The following NTRK2 variants were observed in gnomAD, a reference collection of about 807,000 sequenced individuals.
The protein encoded by NTRK2 is neurotrophic receptor tyrosine kinase 2, also known as BDNF/NT-3 growth factors receptor.
A neutral mutation model predicts 94.5 loss-of-function variants in NTRK2; 13 were observed. The ratio of observed to expected loss-of-function variants is 0.14; its 90% confidence interval spans 0.09 to 0.22. The LOEUF (loss-of-function observed/expected upper bound fraction) is 0.22, where lower values mean the gene tolerates loss of function less well. NTRK2 is among the 10% of genes least tolerant of loss of function. The pLI, the probability that NTRK2 is intolerant of heterozygous loss-of-function variation, is 1.00. For missense variants in NTRK2, 639 were observed against 1,071.2 expected (o/e 0.60, Z 5.63); for synonymous variants, 372 against 407.4 (o/e 0.91, Z 1.05).
At chr9:84,899,451 CTTTACTT>C (rs2076861035) in intron 14 of NTRK2, among the ~76,000 whole-genome samples, 1 of 152,150 alleles carries the variant, frequency 6.6e-6, no homozygotes, top group Non-Finnish European at 1.5e-5. Context: ...AATCCTTATC[CTTTACTT>C]TTTTTCTCTC....
At chr9:84,804,695 C>CTGTG (rs2070901878) in intron 12 of NTRK2, among the ~76,000 whole-genome samples, 1 of 152,210 alleles carries the variant, frequency 6.6e-6, no homozygotes. Flanking sequence ...CAACTGCATA[C>CTGTG]TCTTCTGTGA....
At chr9:84,751,885 A>G in intron 11 of NTRK2, 101 bp from the exon 12 acceptor site, 1 of 910,768 alleles carries the variant, frequency 1.1e-6, no homozygotes, top group Non-Finnish European at 1.8e-6. Flanking sequence ...TTCAATAAAT[A>G]TGAACTGCCT....
chr9:84,944,586 A>C (rs1323762211), intron 15 of NTRK2, among the ~76,000 whole-genome samples: 2 of 152,250 alleles, frequency 1.3e-5, no homozygotes, highest in African/African-American at 4.8e-5. Flanking sequence ...AAGCTATCTC[A>C]GTGACTCAGA....
intron 11 of NTRK2, among the ~76,000 whole-genome samples, chr9:84,750,860 G>A (rs759750573): frequency 3.3e-5 from 5 of 152,184 alleles, no homozygotes; most frequent in Non-Finnish European, 5.9e-5. Context: ...TGCACTTAGA[G>A]GAGCATCATG....
intron 12 of NTRK2, among the ~76,000 whole-genome samples, chr9:84,795,651 G>A (rs953557861): frequency 1.1e-4 from 16 of 152,294 alleles, no homozygotes; most frequent in African/African-American, 3.9e-4. Flanking sequence ...CCAGGAGTTA[G>A]CCTGAGGGTT....
chr9:84,986,934 G>A (rs1009674314), intron 17 of NTRK2, among the ~76,000 whole-genome samples: 1 of 152,190 alleles, frequency 6.6e-6, no homozygotes, highest in Non-Finnish European at 1.5e-5. Context: ...AGAACAGATG[G>A]TCTTGTAATT....
At chr9:84,720,606 A>G (rs1390989263) in intron 6 of NTRK2, among the ~76,000 whole-genome samples, 1 of 152,212 alleles carries the variant, frequency 6.6e-6, no homozygotes, top group Admixed American at 6.5e-5. Flanking sequence ...ATGTATGAAT[A>G]GCCAGACATA....
At chr9:84,972,468 A>G (rs1347120153) in intron 17 of NTRK2, among the ~76,000 whole-genome samples, 1 of 152,202 alleles carries the variant, frequency 6.6e-6, no homozygotes, top group Non-Finnish European at 1.5e-5. Flanking sequence ...GGTTTTGTAA[A>G]CAGTTGATTT....
At chr9:84,739,556 G>A (rs998820442) in intron 9 of NTRK2, among the ~76,000 whole-genome samples, 3 of 152,292 alleles carry the variant, frequency 2.0e-5, no homozygotes, top group Admixed American at 6.5e-5. Flanking sequence ...CACTGAGGCC[G>A]TTTAAATGTG....
chr9:84,777,087 C>T (rs1235884391), intron 12 of NTRK2, among the ~76,000 whole-genome samples: 1 of 152,140 alleles, frequency 6.6e-6, no homozygotes, highest in Non-Finnish European at 1.5e-5. Context: ...ATGGTTGTTT[C>T]TATCAGAAAC....
chr9:84,975,541 T>C, intron 17 of NTRK2, among the ~76,000 whole-genome samples: 1 of 152,200 alleles, frequency 6.6e-6, no homozygotes, highest in Middle Eastern at 3.2e-3. Flanking sequence ...GCACAGGCAG[T>C]GCAGCAGCCG....
chr9:84,703,709 T>G (rs190106574), intron 4 of NTRK2, among the ~76,000 whole-genome samples: 5 of 152,330 alleles, frequency 3.3e-5, no homozygotes, highest in African/African-American at 1.2e-4. Flanking sequence ...GCATTAATGA[T>G]GAAGTCACTT....
chr9:84,771,969 AG>A (rs1263881341), intron 12 of NTRK2, among the ~76,000 whole-genome samples: 1 of 152,186 alleles, frequency 6.6e-6, no homozygotes, highest in Non-Finnish European at 1.5e-5. Context: ...CTTTGAGGCA[AG>A]ATAGAGTAGC....
intron 11 of NTRK2, among the ~76,000 whole-genome samples, chr9:84,747,644 AT>A (rs34542594): frequency 5.9e-5 from 9 of 151,828 alleles, no homozygotes; most frequent in Non-Finnish European, 1.5e-5. Flanking sequence ...TGCCTGGCTA[AT>A]TTTTTTGTAT....
intron 17 of NTRK2, among the ~76,000 whole-genome samples, chr9:84,957,788 C>T (rs982248971): frequency 2.6e-5 from 4 of 152,156 alleles, no homozygotes; most frequent in African/African-American, 9.7e-5. Context: ...AAAACTTGAA[C>T]ACAAATGTGC....
At chr9:84,773,337 G>C (rs1187205051) in intron 12 of NTRK2, among the ~76,000 whole-genome samples, 1 of 152,286 alleles carries the variant, frequency 6.6e-6, no homozygotes, top group African/African-American at 2.4e-5. Context: ...ATTGCCATGG[G>C]GCAGATGGCA....
At chr9:84,886,579 T>C (rs536675945) in intron 14 of NTRK2, among the ~76,000 whole-genome samples, 1 of 152,312 alleles carries the variant, frequency 6.6e-6, no homozygotes. Flanking sequence ...CACATTCTCT[T>C]TTTCTGTTCT....
At chr9:84,962,765 C>T (rs572359382) in intron 17 of NTRK2, among the ~76,000 whole-genome samples, 1 of 152,292 alleles carries the variant, frequency 6.6e-6, no homozygotes, top group South Asian at 2.1e-4. Flanking sequence ...ACCAGAGCCT[C>T]TTCTAAAAGT....
chr9:84,892,360 A>G (rs3780635), intron 14 of NTRK2, among the ~76,000 whole-genome samples: 17,102 of 152,176 alleles, frequency 0.11, 1,474 homozygotes, highest in African/African-American at 0.23. Context: ...CATGTGGCAC[A>G]TCCCCAAAGC....
Sources: gnomAD v4.1 joint callset for allele counts (sites outside exome capture counted in the v4.1 genomes callset) on GRCh38, gnomAD v4.1.1 for gene constraint, MANE v1.5 for transcripts, NCBI Gene and HGNC (gene_info 2026-07-23, HGNC 2026-07-21) for gene names.